Variants in FHIT observed in about 807,000 individuals in gnomAD.
FHIT encodes the protein bis(5'-adenosyl)-triphosphatase.
In FHIT, 19 loss-of-function variants were observed where a neutral mutation model predicts 17.9. The observed-to-expected ratio is 1.06, with a 90% confidence interval of 0.74 to 1.56. FHIT has a LOEUF of 1.56. Ranked by LOEUF, FHIT falls within the 40% of genes most tolerant of loss-of-function variation. The probability of loss-of-function intolerance (pLI) is 0.00; values close to 1 mark genes in which losing one functional copy is unlikely to be tolerated. For synonymous variants in FHIT, 81 were observed against 69.7 expected, an observed-to-expected ratio of 1.16 and a Z score of -0.81; for missense variants, 248 against 189.2, an observed-to-expected ratio of 1.31 and a Z score of -1.82.
At chr3:61,228,588 T>C (rs1195948050) in intron 1 of FHIT, among the ~76,000 whole-genome samples, 2 of 152,250 alleles carry the variant, frequency 1.3e-5, no homozygotes, top group African/African-American at 4.8e-5. Context: ...CTGCCTTGTA[T>C]CAATTTAATT....
chr3:60,725,248 T>C (rs1324491863), intron 4 of FHIT, among the ~76,000 whole-genome samples: 1 of 152,232 alleles, frequency 6.6e-6, no homozygotes, highest in Non-Finnish European at 1.5e-5. Context: ...GTTAGTTTTA[T>C]TATTTCAATC....
In FHIT at chr3:60,831,919, A is replaced by T. The variant is rs919910046; in HGVS notation, c.-110-9908T>A. On this transcript the variant is annotated intron_variant, in intron 3 of 9. Coordinates refer to ENST00000492590, the MANE Select transcript of FHIT (RefSeq NM_002012.4). ...GCTAAGATTTATGAGACATGATTGT[A>T]TAATGGAAAAAAATCTCAGGTTTTT... Among the ~76,000 whole-genome samples, 5 of 152,274 alleles carry T rather than the reference A, an allele frequency of 3.3e-5. No homozygotes were observed. In the East Asian group the frequency reaches 7.7e-4, roughly 23 times the overall value.
intron 7 of FHIT, among the ~76,000 whole-genome samples, chr3:59,958,649 C>T (rs1173004372): frequency 6.6e-6 from 1 of 152,180 alleles, no homozygotes; most frequent in East Asian, 1.9e-4. Flanking sequence ...CGACAGTAAA[C>T]AATGCCTTGG....
intron 8 of FHIT, among the ~76,000 whole-genome samples, chr3:59,785,640 A>T (rs1702816841): frequency 6.6e-6 from 1 of 152,180 alleles, no homozygotes; most frequent in South Asian, 2.1e-4. Flanking sequence ...TTTTCAGTGC[A>T]TGTATTCAGG....
chr3:60,045,724 ATACT>A (rs1200435400), intron 5 of FHIT, among the ~76,000 whole-genome samples: 5 of 152,172 alleles, frequency 3.3e-5, no homozygotes. Context: ...GATCTGGAAA[ATACT>A]TAGGAGGCAG....
In FHIT at chr3:61,022,024, G is replaced by A. The variant is rs187588463; in HGVS notation, c.-111+20023C>T. ...GCAAATTTGAAGGAGATAGAGACAC[G>A]AAAAACCCTTAAAAAAATCAACGAA... On this transcript the variant is annotated intron_variant, in intron 3 of 9. Coordinates refer to ENST00000492590, the MANE Select transcript of FHIT (RefSeq NM_002012.4). Among the ~76,000 whole-genome samples, 771 of 151,938 alleles carry A rather than the reference G, an allele frequency of 5.1e-3. 2 individuals are homozygous for A. The highest frequency in any genetic ancestry group is 0.018 in the African/African-American group (739 of 41,456).
intron 5 of FHIT, among the ~76,000 whole-genome samples, chr3:60,415,420 G>C (rs1330705946): frequency 2.0e-5 from 3 of 152,094 alleles, no homozygotes; most frequent in East Asian, 1.9e-4. Flanking sequence ...GCTCATGATT[G>C]CTAACCTTTG....
At chr3:60,432,785 G>T (rs1702970328) in intron 5 of FHIT, among the ~76,000 whole-genome samples, 2 of 151,948 alleles carry the variant, frequency 1.3e-5, no homozygotes, top group South Asian at 2.1e-4. Context: ...GCTTTTCTTG[G>T]ATGTTGTCAC....
chr3:60,864,815 T>C (rs891109503), intron 3 of FHIT, among the ~76,000 whole-genome samples: 10 of 152,192 alleles, frequency 6.6e-5, no homozygotes, highest in African/African-American at 2.4e-4. Context: ...CCCACAAGTA[T>C]AATGACACTT....
intron 3 of FHIT, among the ~76,000 whole-genome samples, chr3:60,917,159 A>T (rs1214835854): frequency 6.6e-6 from 1 of 152,254 alleles, no homozygotes; most frequent in Non-Finnish European, 1.5e-5. Flanking sequence ...CAGAATTGTA[A>T]AATGAAAATA....
chr3:60,944,604 G>A (rs891940092), intron 3 of FHIT, among the ~76,000 whole-genome samples: 1 of 152,208 alleles, frequency 6.6e-6, no homozygotes, highest in Non-Finnish European at 1.5e-5. Context: ...AAAACTCATA[G>A]TGTGGCAGAG....
intron 4 of FHIT, among the ~76,000 whole-genome samples, chr3:60,559,028 G>C (rs988565458): frequency 6.6e-6 from 1 of 152,144 alleles, no homozygotes; most frequent in Non-Finnish European, 1.5e-5. Context: ...TCCTCTGACT[G>C]ATCACCTTGT....
At chr3:60,585,656 A>C (rs1431489975) in intron 4 of FHIT, among the ~76,000 whole-genome samples, 1 of 151,936 alleles carries the variant, frequency 6.6e-6, no homozygotes, top group Non-Finnish European at 1.5e-5. Context: ...TTAACATTTC[A>C]CTATGTAAAT....
At chr3:60,529,580 T>G (rs538499792) in intron 5 of FHIT, among the ~76,000 whole-genome samples, 1 of 152,338 alleles carries the variant, frequency 6.6e-6, no homozygotes, top group East Asian at 1.9e-4. Flanking sequence ...CCTTAGCAAG[T>G]GCGATGCCTG....
At chr3:60,593,942 A>C (rs1411872399) in intron 4 of FHIT, among the ~76,000 whole-genome samples, 1 of 152,134 alleles carries the variant, frequency 6.6e-6, no homozygotes, top group African/African-American at 2.4e-5. Flanking sequence ...CTCAAGTAAT[A>C]TAAATTTATA....
intron 5 of FHIT, among the ~76,000 whole-genome samples, chr3:60,369,396 A>C (rs1576550134): frequency 6.6e-6 from 1 of 152,176 alleles, no homozygotes; most frequent in Non-Finnish European, 1.5e-5. Context: ...TATTATAGCT[A>C]TGGTAACTCT....
At chr3:60,493,667 TCTA>T (rs2034163033) in intron 5 of FHIT, among the ~76,000 whole-genome samples, 1 of 152,202 alleles carries the variant, frequency 6.6e-6, no homozygotes, top group Non-Finnish European at 1.5e-5. Flanking sequence ...GAAAAAAATC[TCTA>T]CTTTTGTTTT....
chr3:60,483,933 C>T (rs1037538898), intron 5 of FHIT, among the ~76,000 whole-genome samples: 1 of 152,090 alleles, frequency 6.6e-6, no homozygotes, highest in Non-Finnish European at 1.5e-5. Flanking sequence ...AAAACCCCAT[C>T]ATCTCAGCCC....
intron 5 of FHIT, among the ~76,000 whole-genome samples, chr3:60,284,986 G>A (rs1346306158): frequency 1.3e-5 from 2 of 152,038 alleles, no homozygotes; most frequent in Admixed American, 6.6e-5. Flanking sequence ...TGTCTAGTAC[G>A]AAAGAACCAC....
Sources: gnomAD v4.1 joint callset for allele counts (sites outside exome capture counted in the v4.1 genomes callset) on GRCh38, gnomAD v4.1.1 for gene constraint, MANE v1.5 for transcripts, NCBI Gene and HGNC (gene_info 2026-07-23, HGNC 2026-07-21) for gene names.